Variants in AGR3 observed in about 807,000 individuals in gnomAD.
AGR3 encodes anterior gradient 3, protein disulphide isomerase family member.
In AGR3, 37 loss-of-function variants were observed where a neutral mutation model predicts 24.5. The observed-to-expected ratio is 1.51, with a 90% CI of 1.16 to 1.99. The LOEUF (loss-of-function observed/expected upper bound fraction) is 1.99. Ranked by LOEUF, AGR3 falls within the 30% of genes most tolerant of loss-of-function variation. The probability of loss-of-function intolerance (pLI) is 0.00; values close to 1 mark genes in which losing one functional copy is unlikely to be tolerated. For missense variants in AGR3, 228 were observed against 191.1 expected, an observed-to-expected ratio of 1.19 and a Z score of -1.14; for synonymous variants, 75 against 61.6, an observed-to-expected ratio of 1.22 and a Z score of -1.02.
chr7:16,875,673 G>A (rs1350505721), intron 2 of AGR3, among the ~76,000 whole-genome samples: 1 of 152,026 alleles, frequency 6.6e-6, no homozygotes, highest in Non-Finnish European at 1.5e-5. Flanking sequence ...AGCTTTTTGA[G>A]GAGCTGCCGG....
At chr7:16,879,888 A>G (rs1182242231) in intron 1 of AGR3, among the ~76,000 whole-genome samples, 1 of 152,210 alleles carries the variant, frequency 6.6e-6, no homozygotes, top group African/African-American at 2.4e-5. Flanking sequence ...AGAAGTTTAC[A>G]GATTCTAGAT....
intron 3 of AGR3, chr7:16,865,147 C>G (rs1781730373): frequency 1.4e-6 from 1 of 739,168 alleles, no homozygotes; most frequent in Non-Finnish European, 2.4e-6. Flanking sequence ...TCTTTGCCAC[C>G]AGTAGCTTGG....
At chr7:16,862,519 G>A in intron 4 of AGR3, 91 bp downstream of exon 4, 1 of 725,208 alleles carries the variant, frequency 1.4e-6, no homozygotes, top group Non-Finnish European at 2.0e-6. Flanking sequence ...GATTTGCTGA[G>A]CGCCTTCTTA....
chr7:16,879,497 A>T (rs1344289307), intron 1 of AGR3, among the ~76,000 whole-genome samples: 1 of 152,266 alleles, frequency 6.6e-6, no homozygotes, highest in Admixed American at 6.5e-5. Context: ...TTACAGCATT[A>T]GCATATAAAA....
intron 7 of AGR3, 23 bp from the exon 8 acceptor site, chr7:16,859,654 T>C: frequency 7.2e-7 from 1 of 1,385,152 alleles, no homozygotes; most frequent in Non-Finnish European, 9.9e-7. Flanking sequence ...TTAATATATA[T>C]TATGCTATTA....
At chr7:16,876,237 C>A (rs897225986) in intron 2 of AGR3, among the ~76,000 whole-genome samples, 1 of 152,176 alleles carries the variant, frequency 6.6e-6, no homozygotes, top group Admixed American at 6.5e-5. Context: ...AAATGCACTT[C>A]ATGGCTTCTG....
At chr7:16,862,725 G>GTTAGATTTAAAATTTTA in intron 3 of AGR3, 63 bp from the exon 4 acceptor site, 1 of 1,179,752 alleles carries the variant, frequency 8.5e-7, no homozygotes, top group East Asian at 2.7e-5. Context: ...ATACAGTAGA[G>GTTAGATTTAAAATTTTA]TTAGATTTAA....
At chr7:16,868,241 C>T (rs969704286) in intron 3 of AGR3, among the ~76,000 whole-genome samples, 7 of 151,916 alleles carry the variant, frequency 4.6e-5, no homozygotes, top group Admixed American at 3.3e-4. Context: ...CCACAACCTC[C>T]GCCTCCCAGG....
intron 3 of AGR3, among the ~76,000 whole-genome samples, chr7:16,868,303 G>A (rs1314503306): frequency 6.6e-6 from 1 of 152,004 alleles, no homozygotes; most frequent in Non-Finnish European, 1.5e-5. Context: ...TTAAAGGCAT[G>A]CACCACTATG....
chr7:16,856,467 T>C (rs1444677729), downstream of AGR3, among the ~76,000 whole-genome samples: 1 of 152,208 alleles, frequency 6.6e-6, no homozygotes, highest in Admixed American at 6.5e-5. Context: ...CAATACATTT[T>C]AGTGTGTTTC....
intron 1 of AGR3, among the ~76,000 whole-genome samples, chr7:16,880,470 C>CTCCCCTCCTCTCCCCTCCTT (rs1782089851): frequency 2.1e-5 from 1 of 47,646 alleles, no homozygotes; most frequent in African/African-American, 7.4e-5. Flanking sequence ...CTCCTTTCCT[C>CTCCCCTCCTCTCCCCTCCTT]TCCCCTCCTT....
chr7:16,875,743 G>GT (rs201378186), intron 2 of AGR3, among the ~76,000 whole-genome samples: 337 of 149,094 alleles, frequency 2.3e-3, no homozygotes, highest in African/African-American at 4.2e-3. Context: ...TTTGTTTTTT[G>GT]TTTTTTTTTG....
At chr7:16,878,274 C>T (rs1304056358) in intron 2 of AGR3, among the ~76,000 whole-genome samples, 1 of 152,180 alleles carries the variant, frequency 6.6e-6, no homozygotes, top group Non-Finnish European at 1.5e-5. Context: ...GCCAATTCTC[C>T]ATTATTTTGG....
At chr7:16,880,058 C>T (rs1005559068) in intron 1 of AGR3, among the ~76,000 whole-genome samples, 3 of 151,020 alleles carry the variant, frequency 2.0e-5, no homozygotes, top group Non-Finnish European at 4.4e-5. Flanking sequence ...CCTTCCCTTC[C>T]CCTTCCTTCC....
intron 1 of AGR3, among the ~76,000 whole-genome samples, chr7:16,881,184 T>C (rs1366499635): frequency 6.6e-6 from 1 of 152,244 alleles, no homozygotes; most frequent in Non-Finnish European, 1.5e-5. Flanking sequence ...ATTTTTGCTA[T>C]TTTAAAGCTG....
intron 6 of AGR3, 71 bp from the exon 7 acceptor site, chr7:16,860,654 A>T (rs890172799): frequency 1.5e-5 from 16 of 1,088,370 alleles, no homozygotes; most frequent in Admixed American, 9.9e-5. Flanking sequence ...GTAAAAACTT[A>T]ATTATTATTT....
intron 2 of AGR3, among the ~76,000 whole-genome samples, chr7:16,877,824 C>T: frequency 7.0e-6 from 1 of 143,398 alleles, no homozygotes; most frequent in Admixed American, 7.3e-5. Flanking sequence ...GATCGTGCCA[C>T]TACACTCCAG....
At chr7:16,861,342 T>C in intron 6 of AGR3, 42 bp downstream of exon 6, 1 of 1,439,286 alleles carries the variant, frequency 6.9e-7, no homozygotes, top group East Asian at 2.4e-5. Flanking sequence ...TGCTGATTTC[T>C]ACTAATTTTG....
At chr7:16,866,986 A>T (rs1006380664) in intron 3 of AGR3, among the ~76,000 whole-genome samples, 2 of 152,130 alleles carry the variant, frequency 1.3e-5, no homozygotes. Flanking sequence ...GCTATGCTCA[A>T]GCCTAGCAGA....
Sources: gnomAD v4.1 joint callset for allele counts (sites outside exome capture counted in the v4.1 genomes callset) on GRCh38, gnomAD v4.1.1 for gene constraint, MANE v1.5 for transcripts, NCBI Gene and HGNC (gene_info 2026-07-23, HGNC 2026-07-21) for gene names.